TRAF3IP1: variants seen among roughly 807,000 people sequenced by gnomAD.
TRAF3IP1 encodes intraflagellar transport 54, also known as TRAF3-interacting protein 1.
In TRAF3IP1, 53 loss-of-function variants were observed where a neutral mutation model predicts 89.9. The ratio of observed to expected loss-of-function variants is 0.59; its 90% CI spans 0.47 to 0.74. TRAF3IP1 has a LOEUF of 0.74. Among genes scored for constraint, TRAF3IP1 ranks in the 30% least tolerant of loss-of-function variants. The pLI is 0.00. For synonymous variants in TRAF3IP1, 311 were observed against 322.1 expected (o/e 0.97, Z 0.37); for missense variants, 806 against 866.1 (o/e 0.93, Z 0.87).
intron 1 of TRAF3IP1, among the ~76,000 whole-genome samples, chr2:238,323,078 A>G (rs1272073227): frequency 1.5e-5 from 2 of 135,614 alleles, no homozygotes; most frequent in African/African-American, 6.0e-5. Context: ...GTTATTGTTC[A>G]CAATTTTTTT....
At chr2:238,329,728 T>G (rs1431142970) in intron 5 of TRAF3IP1, among the ~76,000 whole-genome samples, 1 of 152,214 alleles carries the variant, frequency 6.6e-6, no homozygotes, top group East Asian at 1.9e-4. Flanking sequence ...GTCTGACACA[T>G]AGCAGCTTTG....
rs1023039991 is a variant in TRAF3IP1 at position 238,320,591 on chromosome 2, C to T, written c.-72C>T. On this transcript the variant is annotated 5_prime_UTR_variant, in exon 1 of 17. Coordinates refer to ENST00000373327, the MANE Select transcript of TRAF3IP1 (RefSeq NM_015650.4). The stretch of plus-strand genomic sequence containing the variant: ...GCGGCGGCGGCGGGGCCGGCGGCGG[C>T]CAGGGACCCGGGCTTAGGCTCGGCC... 79 of 1,102,676 alleles carry T rather than the reference C, an allele frequency of 7.2e-5. No homozygotes were observed. The highest frequency in any genetic ancestry group is 8.7e-5 in the Non-Finnish European group (79 of 903,418). 68.3% of individuals were successfully genotyped at this position (1,102,676 alleles called of 1,614,324 possible).
intron 14 of TRAF3IP1, 128 bp downstream of exon 14, chr2:238,353,337 CGGGATCACACTGGT>C (rs1166163259): frequency 1.5e-5 from 14 of 944,398 alleles, no homozygotes; most frequent in Non-Finnish European, 2.3e-5. Context: ...GTCACACTGG[CGGGATCACACTGGT>C]GGTACATAGG....
At position 238,379,488 on chromosome 2, in the gene TRAF3IP1, C is replaced by T. The variant is rs1368034646; in HGVS notation, c.1690-17971C>T. Among the ~76,000 whole-genome samples the T allele has an allele frequency of 2.0e-5, 3 of 152,212 alleles. No homozygotes were observed. Among genetic ancestry groups the T allele is most frequent in the Non-Finnish European group, 2.9e-5 (2 of 68,042 alleles). ...CTCGTGTGAAGGCGGCAGCGTGGTG[C>T]CATCACTTGGGTATTTGGAACTTGA... On this transcript the variant is annotated intron_variant, in intron 15 of 16. Transcript: ENST00000373327. The surrounding 1 kb of genome is among the most constrained non-coding windows in gnomAD (Gnocchi z 4.0).
rs998918832 is a variant in TRAF3IP1, at chr2:238,348,204, C to CA, written c.1283-550dup. Among the ~76,000 whole-genome samples, 480 of 138,026 alleles carry CA rather than the reference C, an allele frequency of 3.5e-3. 2 individuals are homozygous for CA. The highest frequency in any genetic ancestry group is 0.011 in the African/African-American group (416 of 37,484). 90.6% of individuals were successfully genotyped at this position (138,026 alleles called of 152,430 possible). A position where few individuals can be genotyped will look rare whatever the true frequency, so the allele number is the denominator to read the frequency against. ...ACCAATGTAGAAAAATTTAAAAATG[C>CA]AAAAAAAAAAGAACAAAAATTAAAA... On this transcript the variant is annotated intron_variant, in intron 10 of 16. Transcript: ENST00000373327.
In TRAF3IP1 at chr2:238,356,012, G is replaced by C. The variant is rs1476592202; in HGVS notation, c.1621G>C (p.Val541Leu). 1 of 1,613,234 alleles carries C rather than the reference G, an allele frequency of 6.2e-7. No individual in the cohort carries two copies. Among genetic ancestry groups the C allele is most frequent in the Non-Finnish European group, 8.5e-7 (1 of 1,179,342 alleles). The change falls in exon 15 of 17, where the codon GTG (valine) becomes CTG (leucine). Residue 541 changes from valine (V) to leucine (L), a missense_variant. This residue lies in a region of TRAF3IP1 where 732 missense variants were observed against 780.5 expected (regional missense o/e 0.94). Transcript: ENST00000373327. The stretch of plus-strand genomic sequence containing the variant: ...CACTGATTTTTCAACAGGTGGACTT[G>C]TGAAAAAAATTTTGGAGACGAAGAA... ...LEEEEKHGGLVKKILETKKDY... is the reference protein window; with the variant it reads ...LEEEEKHGGLLKKILETKKDY...
At chr2:238,363,724 G>A (rs1348678387) in intron 15 of TRAF3IP1, among the ~76,000 whole-genome samples, 2 of 152,144 alleles carry the variant, frequency 1.3e-5, no homozygotes, top group African/African-American at 2.4e-5. Context: ...CACTTTGGGA[G>A]GCCAAGGTGG....
At chr2:238,337,675 TGG>T (rs1400904144) in intron 7 of TRAF3IP1, among the ~76,000 whole-genome samples, 2 of 152,180 alleles carry the variant, frequency 1.3e-5, no homozygotes, top group Non-Finnish European at 2.9e-5. Flanking sequence ...GCTGGCAGGT[TGG>T]ATGCCACTTG....
At chr2:238,360,956 A>G (rs1042949168) in intron 15 of TRAF3IP1, among the ~76,000 whole-genome samples, 1 of 152,288 alleles carries the variant, frequency 6.6e-6, no homozygotes, top group South Asian at 2.1e-4. Flanking sequence ...CTATGGTTGT[A>G]TACATAATAT....
chr2:238,321,357 AAAT>A (rs769836104), intron 1 of TRAF3IP1, among the ~76,000 whole-genome samples: 1 of 152,186 alleles, frequency 6.6e-6, no homozygotes, highest in East Asian at 1.9e-4. Context: ...GGGAGAATGG[AAAT>A]AATATTTTTT....
intron 10 of TRAF3IP1, among the ~76,000 whole-genome samples, chr2:238,347,962 G>A (rs1394867765): frequency 1.3e-5 from 2 of 151,966 alleles, no homozygotes; most frequent in Non-Finnish European, 2.9e-5. Flanking sequence ...TAATTTATAT[G>A]TTTTAAGTTT....
intron 9 of TRAF3IP1, 106 bp from the exon 10 acceptor site, chr2:238,347,349 A>G: frequency 5.1e-6 from 6 of 1,180,186 alleles, no homozygotes; most frequent in Non-Finnish European, 7.5e-6. Context: ...CTTAGCAGAC[A>G]TCCAAAATTA....
chr2:238,331,299 T>TAA lies in TRAF3IP1; in HGVS notation c.916-1506_916-1505dup, dbSNP rs61126298. 6.5e-3 allele frequency among the ~76,000 whole-genome samples: 775 copies of TAA among 120,006 alleles called. 10 individuals are homozygous for TAA. Among genetic ancestry groups the TAA allele is most frequent in the African/African-American group, 0.023 (739 of 31,926 alleles). The allele number at this position is 120,006 out of a possible 152,430, so 78.7% of individuals were successfully genotyped here. ...CACGGTGATGAAACCCCATCTCTAC[T>TAA]AAAAAAAAAAAAAAAAAAAATACAA... On this transcript the variant is annotated intron_variant, in intron 5 of 16. Transcript: ENST00000373327.
At chr2:238,361,980 C>T (rs1359289472) in intron 15 of TRAF3IP1, among the ~76,000 whole-genome samples, 3 of 152,234 alleles carry the variant, frequency 2.0e-5, no homozygotes, top group African/African-American at 7.2e-5. Context: ...GCTGGCTCTC[C>T]ACCTTCATCC....
At chr2:238,395,486 T>C (rs1701170492) in intron 15 of TRAF3IP1, among the ~76,000 whole-genome samples, 1 of 152,074 alleles carries the variant, frequency 6.6e-6, no homozygotes, top group South Asian at 2.1e-4. Flanking sequence ...GGACTTCATG[T>C]CTAAAACACC....
intron 15 of TRAF3IP1, among the ~76,000 whole-genome samples, chr2:238,359,502 C>G (rs1363485817): frequency 6.6e-6 from 1 of 151,656 alleles, no homozygotes; most frequent in Non-Finnish European, 1.5e-5. Context: ...GCCGTTTTTA[C>G]TCAGCATAAT....
chr2:238,359,310 C>T (rs893172074), intron 15 of TRAF3IP1, among the ~76,000 whole-genome samples: 3 of 152,232 alleles, frequency 2.0e-5, no homozygotes, highest in African/African-American at 7.2e-5. Context: ...TCACCCTCCA[C>T]AGTGTCATGT....
chr2:238,349,531 A>C, intron 12 of TRAF3IP1, 123 bp downstream of exon 12: 2 of 980,944 alleles, frequency 2.0e-6, no homozygotes, highest in Non-Finnish European at 3.1e-6. Flanking sequence ...ATTGAGGAAC[A>C]AAAAGTGAGG....
intron 15 of TRAF3IP1, among the ~76,000 whole-genome samples, chr2:238,387,651 A>G (rs982673982): frequency 1.3e-5 from 2 of 152,238 alleles, no homozygotes; most frequent in African/African-American, 4.8e-5. Context: ...TTTTTGTAAT[A>G]GCCCTAGACA....
Sources: gnomAD v4.1 joint callset for allele counts (sites outside exome capture counted in the v4.1 genomes callset) on GRCh38, gnomAD v4.1.1 for gene constraint, gnomAD v4.1.1 regional missense constraint, Gnocchi (gnomAD v3.1) non-coding constraint, MANE v1.5 for transcripts, NCBI Gene and HGNC (gene_info 2026-07-23, HGNC 2026-07-21) for gene names.